Variants in RBFOX1 observed in about 807,000 individuals in gnomAD.
RBFOX1 encodes RNA binding protein fox-1 homolog 1.
Under a neutral mutation model 57.7 loss-of-function variants are expected in RBFOX1, and 8 were observed. That is an observed-to-expected ratio of 0.14 (90% CI 0.08 to 0.25). The LOEUF is 0.25. Ranked by LOEUF, RBFOX1 falls within the 10% of genes least tolerant of loss-of-function variation. The pLI is 1.00. For missense variants in RBFOX1, 611 were observed against 548.5 expected, an observed-to-expected ratio of 1.11 and a Z score of -1.14; for synonymous variants, 326 against 222.4, an observed-to-expected ratio of 1.47 and a Z score of -4.15.
intron 1 of RBFOX1, among the ~76,000 whole-genome samples, chr16:6,020,539 C>T (rs1467053328): frequency 2.0e-5 from 3 of 152,252 alleles, no homozygotes; most frequent in Non-Finnish European, 4.4e-5. Context: ...AATCGATGCC[C>T]CGCGGTGCCA....
At chr16:6,506,108 G>T (rs908340967) in intron 2 of RBFOX1, among the ~76,000 whole-genome samples, 10 of 152,192 alleles carry the variant, frequency 6.6e-5, no homozygotes, top group African/African-American at 2.4e-4. Context: ...GCCCTACTAA[G>T]AAAGTGGCAC....
chr16:7,025,603 A>T (rs1387219958), intron 3 of RBFOX1, among the ~76,000 whole-genome samples: 1 of 151,932 alleles, frequency 6.6e-6, no homozygotes, highest in East Asian at 1.9e-4. Flanking sequence ...TCAGCCTCAG[A>T]GCTAAGGAGA....
chr16:5,411,668 G>C (rs1343640878), intron 1 of RBFOX1, among the ~76,000 whole-genome samples: 1 of 152,234 alleles, frequency 6.6e-6, no homozygotes, highest in East Asian at 1.9e-4. Context: ...GGGAGGCCGA[G>C]GTGGGAGGAT....
At chr16:6,267,883 G>A (rs899571168) in intron 1 of RBFOX1, among the ~76,000 whole-genome samples, 6 of 152,082 alleles carry the variant, frequency 3.9e-5, no homozygotes, top group African/African-American at 1.2e-4. Flanking sequence ...CTTTAAATGG[G>A]CTATTACCTT....
At chr16:6,433,203 G>C (rs2094144909) in intron 2 of RBFOX1, among the ~76,000 whole-genome samples, 1 of 152,128 alleles carries the variant, frequency 6.6e-6, no homozygotes, top group Non-Finnish European at 1.5e-5. Context: ...GTGTTGTGTA[G>C]GTATAGCTGA....
chr16:5,599,165 G>A, exon 3 of RBFOX1: 1 of 707,400 alleles, frequency 1.4e-6, no homozygotes, highest in South Asian at 1.5e-5. Context: ...CCCAGCCTCT[G>A]GTACATGGTG....
chr16:5,966,660 T>G (rs2059849683), intron 4 of RBFOX1, among the ~76,000 whole-genome samples: 4 of 152,014 alleles, frequency 2.6e-5, no homozygotes. Flanking sequence ...CCACACACCT[T>G]TAAACGCCCA....
intron 3 of RBFOX1, among the ~76,000 whole-genome samples, chr16:5,605,444 G>T (rs1351962034): frequency 1.3e-5 from 2 of 152,358 alleles, no homozygotes; most frequent in Non-Finnish European, 2.9e-5. Flanking sequence ...GTACTCAGTA[G>T]GGAAGAGTGG....
chr16:7,053,111 T>A (rs2050676560), intron 4 of RBFOX1, among the ~76,000 whole-genome samples: 1 of 152,240 alleles, frequency 6.6e-6, no homozygotes, highest in African/African-American at 2.4e-5. Flanking sequence ...AATGATAGTC[T>A]CATGATGGCA....
intron 3 of RBFOX1, among the ~76,000 whole-genome samples, chr16:6,941,016 G>T (rs769961055): frequency 6.6e-6 from 1 of 151,850 alleles, no homozygotes; most frequent in African/African-American, 2.4e-5. Flanking sequence ...CCCCCTTATC[G>T]TATACTTCTA....
chr16:7,705,836 G>C (rs1279780709), intron 14 of RBFOX1, among the ~76,000 whole-genome samples: 4 of 152,166 alleles, frequency 2.6e-5, no homozygotes, highest in African/African-American at 9.7e-5. Flanking sequence ...TGTGCATGGA[G>C]TAAAGTGGAC....
intron 1 of RBFOX1, among the ~76,000 whole-genome samples, chr16:6,124,531 C>G (rs917000764): frequency 7.2e-5 from 11 of 152,120 alleles, no homozygotes; most frequent in African/African-American, 2.7e-4. Flanking sequence ...TTGAGACAGT[C>G]TCCCTCTGTT....
At chr16:7,192,803 C>T (rs974463451) in intron 4 of RBFOX1, among the ~76,000 whole-genome samples, 4 of 152,168 alleles carry the variant, frequency 2.6e-5, no homozygotes, top group African/African-American at 9.7e-5. Context: ...ATAAATACAA[C>T]ATTTTTAAAA....
At chr16:6,944,309 C>A (rs1040270211) in intron 3 of RBFOX1, among the ~76,000 whole-genome samples, 1 of 150,824 alleles carries the variant, frequency 6.6e-6, no homozygotes, top group South Asian at 2.1e-4. Flanking sequence ...GCAGGAGAAT[C>A]GCTTGAACCG....
intron 4 of RBFOX1, among the ~76,000 whole-genome samples, chr16:7,183,615 T>C (rs2083161464): frequency 6.6e-6 from 1 of 152,214 alleles, no homozygotes; most frequent in Admixed American, 6.5e-5. Flanking sequence ...AAGCCTGCAT[T>C]AATAATCTCT....
Position 6,420,855 on chromosome 16 carries a change from A to G in RBFOX1, c.-64+103798A>G, listed in dbSNP as rs79175101. 5.9e-4 allele frequency among the ~76,000 whole-genome samples: 90 copies of G among 152,334 alleles called. 1 individual carries two copies. In the East Asian group the frequency reaches 0.015, roughly 26 times the overall value. On this transcript the variant is annotated intron_variant, in intron 2 of 15. Transcript: ENST00000550418. ...CTCTGAGTGCTTTATGTGTGGGATGAGGGTGACATAGTGCAAGGAGTAAAT... is the reference window on the plus strand; with the variant it reads ...CTCTGAGTGCTTTATGTGTGGGATGGGGGTGACATAGTGCAAGGAGTAAAT...
chr16:7,146,858 G>C (rs1026110961), intron 4 of RBFOX1, among the ~76,000 whole-genome samples: 2 of 149,976 alleles, frequency 1.3e-5, no homozygotes, highest in Non-Finnish European at 3.0e-5. Context: ...GTGGAGGTGG[G>C]AGGATCATCT....
At chr16:5,632,057 T>C (rs2048527743) in intron 3 of RBFOX1, among the ~76,000 whole-genome samples, 1 of 152,100 alleles carries the variant, frequency 6.6e-6, no homozygotes. Flanking sequence ...CTACTTAAGC[T>C]AGGAAGCCAA....
chr16:7,626,671 C>A (rs1409030450), intron 10 of RBFOX1, among the ~76,000 whole-genome samples: 3 of 151,938 alleles, frequency 2.0e-5, no homozygotes, highest in African/African-American at 7.3e-5. Flanking sequence ...TAGATTGAAG[C>A]TATTTCAATC....
Sources: allele counts gnomAD v4.1 joint callset (sites outside exome capture counted in the v4.1 genomes callset), GRCh38; gene constraint gnomAD v4.1.1; transcripts MANE v1.5; gene names NCBI Gene and HGNC (gene_info 2026-07-23, HGNC 2026-07-21).